SPECC1: variants seen among roughly 807,000 people sequenced by gnomAD.
SPECC1 encodes the protein cytospin-B.
Under a neutral mutation model 104.1 loss-of-function variants are expected in SPECC1, and 62 were observed. That is an observed-to-expected ratio of 0.60 (90% CI 0.49 to 0.74). The LOEUF is 0.74. SPECC1 is among the 30% of genes least tolerant of loss of function. The pLI, the probability that SPECC1 is intolerant of heterozygous loss-of-function variation, is 0.00. For missense variants in SPECC1, 1,306 were observed against 1,310.5 expected (o/e 1.00, Z 0.05); for synonymous variants, 513 against 501.6 (o/e 1.02, Z -0.30).
rs1052334949 is a variant in SPECC1, at chr17:20,205,649, G to A, written c.1600G>A (p.Ala534Thr). The A allele has an allele frequency of 3.1e-6, 5 of 1,614,058 alleles. No individual in the cohort carries two copies. Among genetic ancestry groups the A allele is most frequent in the African/African-American group, 1.3e-5 (1 of 74,920 alleles). ...ELERHNNNMM[A>T]KTLEECRVTL... ...GGAACGGCATAATAATAACATGATGGCCAAAACTTTGGAAGAGTGTAGAGT... is the reference window on the plus strand; with the variant it reads ...GGAACGGCATAATAATAACATGATGACCAAAACTTTGGAAGAGTGTAGAGT... Residue 534 changes from alanine (A) to threonine (T), a missense_variant, in exon 4 of 15, where the codon GCC (alanine) becomes ACC (threonine). Transcript: ENST00000395527.
At position 20,053,108 on chromosome 17, in the gene SPECC1, C is replaced by T. The variant is rs141403782; in HGVS notation, c.-21-43523C>T. On this transcript the variant is annotated intron_variant, in intron 1 of 14. Transcript: ENST00000395527. ...ACCTCTCCCTGTCTACTGATTTATT[C>T]TCCCTCTACCTCAAAACATGCTTAT... 3.3e-5 allele frequency among the ~76,000 whole-genome samples: 5 copies of T among 152,046 alleles called. No homozygotes were observed. The East Asian group carries it at 9.7e-4, about 29-fold the overall frequency.
At chr17:20,191,741 A>G (rs1195212443) in intron 3 of SPECC1, among the ~76,000 whole-genome samples, 3 of 151,916 alleles carry the variant, frequency 2.0e-5, no homozygotes, top group Non-Finnish European at 1.5e-5. Flanking sequence ...GAGAAAGAAC[A>G]TGCGATGTTT....
intron 14 of SPECC1, among the ~76,000 whole-genome samples, chr17:20,311,544 CCATGCCT>C (rs1567626991): frequency 6.6e-6 from 1 of 152,120 alleles, no homozygotes; most frequent in Non-Finnish European, 1.5e-5. Context: ...ACACCTGTCA[CCATGCCT>C]GGCTAATTTT....
chr17:20,015,816 C>T (rs1339298291), intron 1 of SPECC1, among the ~76,000 whole-genome samples: 1 of 149,630 alleles, frequency 6.7e-6, no homozygotes, highest in African/African-American at 2.4e-5. Flanking sequence ...GATCTCCTGA[C>T]CTCGTGATCC....
Position 20,018,520 on chromosome 17 carries a change from C to T in SPECC1, c.-22+9096C>T, listed in dbSNP as rs746270781. On this transcript the variant is annotated intron_variant, in intron 1 of 14. Transcript: ENST00000395527. Reference sequence around the variant, plus strand: ...GTCCTCCTGCCTCGGCCTCCCAAAGCGCTGAGATTACCGGCATGGGCCACC... The same window carrying T: ...GTCCTCCTGCCTCGGCCTCCCAAAGTGCTGAGATTACCGGCATGGGCCACC... Among the ~76,000 whole-genome samples the T allele has an allele frequency of 6.6e-5, 10 of 152,296 alleles. No homozygotes were observed. In the South Asian group the frequency reaches 8.3e-4, roughly 13 times the overall value.
At chr17:20,042,637 A>G (rs763004213) in intron 1 of SPECC1, among the ~76,000 whole-genome samples, 1 of 152,164 alleles carries the variant, frequency 6.6e-6, no homozygotes, top group Non-Finnish European at 1.5e-5. Flanking sequence ...CTGCTCAGTT[A>G]TTGCTGGTAA....
intron 1 of SPECC1, among the ~76,000 whole-genome samples, chr17:20,060,225 T>C (rs1294817887): frequency 1.3e-5 from 2 of 152,222 alleles, no homozygotes; most frequent in Non-Finnish European, 2.9e-5. Flanking sequence ...GCATCAGTTT[T>C]GCACTGAGAA....
At chr17:20,214,593 C>T (rs532698068) in intron 4 of SPECC1, among the ~76,000 whole-genome samples, 1 of 152,286 alleles carries the variant, frequency 6.6e-6, no homozygotes, top group Admixed American at 6.5e-5. Flanking sequence ...CTGCAGCCTC[C>T]ACCTCCTGGG....
chr17:20,051,068 T>TTTTCTTTCTTTCTTTC (rs71157856), intron 1 of SPECC1, among the ~76,000 whole-genome samples: 2 of 90,694 alleles, frequency 2.2e-5, no homozygotes, highest in African/African-American at 4.3e-5. Flanking sequence ...CTTTCTTTCT[T>TTTTCTTTCTTTCTTTC]TTTCTTTCTT....
intron 3 of SPECC1, among the ~76,000 whole-genome samples, chr17:20,132,116 G>A (rs1381400413): frequency 6.6e-6 from 1 of 151,716 alleles, no homozygotes; most frequent in East Asian, 1.9e-4. Flanking sequence ...AGTGGATTTT[G>A]AATTTGTCTA....
intron 12 of SPECC1, among the ~76,000 whole-genome samples, chr17:20,263,885 T>TTGTGTGTG (rs556560740): frequency 2.0e-5 from 3 of 150,260 alleles, no homozygotes; most frequent in African/African-American, 4.9e-5. Flanking sequence ...CTGGAGTGAT[T>TTGTGTGTG]TGTGTGTGTG....
At chr17:20,301,431 C>T (rs1327598875) in intron 13 of SPECC1, among the ~76,000 whole-genome samples, 1 of 150,116 alleles carries the variant, frequency 6.7e-6, no homozygotes. Flanking sequence ...TTTTAATTTA[C>T]ACTTACATCA....
At chr17:20,139,760 C>T (rs1437040559) in intron 3 of SPECC1, among the ~76,000 whole-genome samples, 2 of 152,136 alleles carry the variant, frequency 1.3e-5, no homozygotes, top group African/African-American at 2.4e-5. Flanking sequence ...CTGCAACCTC[C>T]GCCTCCCCGG....
At chr17:20,198,143 C>G (rs1427339200) in intron 3 of SPECC1, among the ~76,000 whole-genome samples, 1 of 152,164 alleles carries the variant, frequency 6.6e-6, no homozygotes, top group Non-Finnish European at 1.5e-5. Context: ...GAGCAAAATA[C>G]ATGTGATAAG....
At position 20,158,244 on chromosome 17, in the gene SPECC1, A is replaced by G. The variant is rs114967516; in HGVS notation, c.284-46089A>G. ...GACCAAAAGGATATAAGGGGGAAGCAGAAGGAGAAGGGAGGCTGGATGAGT... is the reference window on the plus strand; with the variant it reads ...GACCAAAAGGATATAAGGGGGAAGCGGAAGGAGAAGGGAGGCTGGATGAGT... On this transcript the variant is annotated intron_variant, in intron 3 of 14. Transcript: ENST00000395527. Among the ~76,000 whole-genome samples the G allele has an allele frequency of 6.7e-3, 1,020 of 152,300 alleles. 10 individuals carry two copies. The highest frequency in any genetic ancestry group is 0.023 in the African/African-American group (963 of 41,558).
intron 3 of SPECC1, among the ~76,000 whole-genome samples, chr17:20,179,356 A>G (rs1039314447): frequency 6.6e-5 from 10 of 152,266 alleles, no homozygotes; most frequent in African/African-American, 2.2e-4. Context: ...CCATTCTTGC[A>G]GTGAGCATTT....
intron 3 of SPECC1, among the ~76,000 whole-genome samples, chr17:20,200,046 C>T (rs2036312074): frequency 6.6e-6 from 1 of 152,204 alleles, no homozygotes; most frequent in African/African-American, 2.4e-5. Context: ...CCGCCTTGAC[C>T]TCCCAAATGT....
chr17:20,261,021 A>G (rs2040006691), intron 12 of SPECC1, among the ~76,000 whole-genome samples: 1 of 152,204 alleles, frequency 6.6e-6, no homozygotes, highest in Non-Finnish European at 1.5e-5. Context: ...TATTTAAGTA[A>G]AAGAATTAAA....
chr17:20,237,904 G>A, intron 7 of SPECC1: 1 of 399,912 alleles, frequency 2.5e-6, no homozygotes, highest in Non-Finnish European at 3.5e-6. Flanking sequence ...CGTCACTCCT[G>A]GCTAATTTTG....
Sources: allele counts gnomAD v4.1 joint callset (sites outside exome capture counted in the v4.1 genomes callset), GRCh38; gene constraint gnomAD v4.1.1; transcripts MANE v1.5; gene names NCBI Gene and HGNC (gene_info 2026-07-23, HGNC 2026-07-21).